Variants in MECOM observed in about 807,000 individuals in gnomAD.
MECOM encodes MDS1 and EVI1 complex locus.
Under a neutral mutation model 116.3 loss-of-function variants are expected in MECOM, and 13 were observed. The observed-to-expected ratio is 0.11, with a 90% CI of 0.07 to 0.18. The LOEUF (loss-of-function observed/expected upper bound fraction) is 0.18. Ranked by LOEUF, MECOM falls within the 10% of genes least tolerant of loss-of-function variation. The probability of loss-of-function intolerance (pLI) is 1.00; values close to 1 mark genes in which losing one functional copy is unlikely to be tolerated. For synonymous variants in MECOM, 528 were observed against 535.2 expected (o/e 0.99, Z 0.19); for missense variants, 1,299 against 1,509.0 (o/e 0.86, Z 2.31).
At chr3:169,099,809 G>A (rs1722928186) in intron 12 of MECOM, among the ~76,000 whole-genome samples, 2 of 152,102 alleles carry the variant, frequency 1.3e-5, no homozygotes, top group East Asian at 1.9e-4. Context: ...GCAAGGCATT[G>A]AACATTAAAT....
chr3:169,092,542 C>G (rs1720080642), intron 14 of MECOM, among the ~76,000 whole-genome samples: 1 of 151,798 alleles, frequency 6.6e-6, no homozygotes, highest in Non-Finnish European at 1.5e-5. Flanking sequence ...ATCAGTGATT[C>G]AACTGAATCC....
chr3:169,337,078 C>A (rs1305857997), intron 2 of MECOM, among the ~76,000 whole-genome samples: 11 of 152,008 alleles, frequency 7.2e-5, no homozygotes. Flanking sequence ...ATGATTGCGT[C>A]CATGAATAAG....
chr3:169,184,546 C>A (rs1414403176), intron 2 of MECOM, among the ~76,000 whole-genome samples: 1 of 152,078 alleles, frequency 6.6e-6, no homozygotes, highest in Admixed American at 6.5e-5. Flanking sequence ...AAATCTTAAG[C>A]AAACCCAGAA....
chr3:169,625,625 C>T (rs1771273673), intron 1 of MECOM, among the ~76,000 whole-genome samples: 1 of 152,212 alleles, frequency 6.6e-6, no homozygotes, highest in African/African-American at 2.4e-5. Context: ...TATCATCTTT[C>T]ATCTGAAAGA....
intron 1 of MECOM, among the ~76,000 whole-genome samples, chr3:169,535,432 A>G (rs1452277708): frequency 6.6e-6 from 1 of 152,202 alleles, no homozygotes; most frequent in Non-Finnish European, 1.5e-5. Flanking sequence ...GAAAGAAAAT[A>G]TAGGTAGAGA....
At chr3:169,494,901 G>T (rs1433174086) in intron 1 of MECOM, among the ~76,000 whole-genome samples, 1 of 152,150 alleles carries the variant, frequency 6.6e-6, no homozygotes, top group Non-Finnish European at 1.5e-5. Context: ...GATGATCCAA[G>T]GAATGGAAGA....
chr3:169,107,916 G>C lies in MECOM; in HGVS notation c.2604+10C>G. ...ATCACTTTAGTCAAAAATATAAGTAGGAAACTTACCCAAGTTCTCTGATCA... is the reference window on the plus strand; with the variant it reads ...ATCACTTTAGTCAAAAATATAAGTACGAAACTTACCCAAGTTCTCTGATCA... On this transcript the variant is annotated intron_variant, in intron 10 of 16. Transcript: ENST00000651503. The C allele has an allele frequency of 5.0e-6, 8 of 1,610,476 alleles. No individual in the cohort carries two copies. The highest frequency in any genetic ancestry group is 6.8e-6 in the Non-Finnish European group (8 of 1,178,160).
At chr3:169,600,843 A>G (rs1277136806) in intron 1 of MECOM, among the ~76,000 whole-genome samples, 1 of 152,240 alleles carries the variant, frequency 6.6e-6, no homozygotes, top group Non-Finnish European at 1.5e-5. Flanking sequence ...GAATAAAGTA[A>G]AAAGACTAAT....
At chr3:169,108,225 T>C (rs1726095456) in intron 9 of MECOM, among the ~76,000 whole-genome samples, 1 of 152,210 alleles carries the variant, frequency 6.6e-6, no homozygotes, top group East Asian at 1.9e-4. Flanking sequence ...GCAAAGCAGA[T>C]GCTTCCTTTT....
intron 2 of MECOM, among the ~76,000 whole-genome samples, chr3:169,239,589 AT>A (rs1754528083): frequency 6.6e-6 from 1 of 152,064 alleles, no homozygotes; most frequent in Admixed American, 6.5e-5. Context: ...CCAGATGAAA[AT>A]AATATGAGAA....
chr3:169,594,154 C>CAAAAAAAAAAAAAAAAAAAAA (rs34331048), intron 1 of MECOM, among the ~76,000 whole-genome samples: 3 of 45,706 alleles, frequency 6.6e-5, no homozygotes, highest in South Asian at 6.6e-4. Flanking sequence ...ACCACCACCA[C>CAAAAAAAAAAAAAAAAAAAAA]AAAAAAAAAA....
At chr3:169,541,751 A>G (rs771049725) in intron 1 of MECOM, among the ~76,000 whole-genome samples, 2 of 150,450 alleles carry the variant, frequency 1.3e-5, no homozygotes, top group Non-Finnish European at 2.9e-5. Context: ...CCTGGCCAGC[A>G]CACCTCTTAT....
chr3:169,083,616 A>G lies in MECOM; in HGVS notation c.*1293T>C. 1 of 195,516 alleles carries G rather than the reference A, an allele frequency of 5.1e-6. No homozygotes were observed. The allele number at this position is 195,516 out of a possible 1,614,324, so 12.1% of individuals were successfully genotyped here. A position where few individuals can be genotyped will look rare whatever the true frequency, so the allele number is the denominator to read the frequency against. On this transcript the variant is annotated 3_prime_UTR_variant, in exon 17 of 17. Transcript: ENST00000651503. ...TTGAAGAAAGTACCTCAACTTGCTG[A>G]TTATTTCAAAATGAGATTACAAACA...
chr3:169,312,258 T>C (rs1718923703), intron 2 of MECOM, among the ~76,000 whole-genome samples: 1 of 152,156 alleles, frequency 6.6e-6, no homozygotes, highest in Non-Finnish European at 1.5e-5. Flanking sequence ...GGTAGTGCGA[T>C]TGACAAGAAG....
intron 2 of MECOM, among the ~76,000 whole-genome samples, chr3:169,349,089 C>T (rs1725858877): frequency 6.6e-6 from 1 of 151,354 alleles, no homozygotes; most frequent in African/African-American, 2.4e-5. Context: ...CCCCCCTCCC[C>T]CAGTGTTTTT....
At chr3:169,189,771 C>T (rs940670389) in intron 2 of MECOM, among the ~76,000 whole-genome samples, 2 of 152,092 alleles carry the variant, frequency 1.3e-5, no homozygotes, top group Non-Finnish European at 2.9e-5. Context: ...TAAATTCTCT[C>T]TCTCTCTTTC....
chr3:169,374,937 T>C (rs192585177), intron 2 of MECOM, among the ~76,000 whole-genome samples: 5 of 152,002 alleles, frequency 3.3e-5, no homozygotes, highest in Non-Finnish European at 7.4e-5. Flanking sequence ...CTTGGAAGAC[T>C]GAGGCTGGAA....
intron 1 of MECOM, among the ~76,000 whole-genome samples, chr3:169,525,274 A>G (rs1193260380): frequency 6.6e-6 from 1 of 152,348 alleles, no homozygotes; most frequent in East Asian, 1.9e-4. Context: ...GGGTAATGAC[A>G]TTGGAAATAA....
chr3:169,216,481 A>G (rs938939570), intron 2 of MECOM, among the ~76,000 whole-genome samples: 3 of 152,080 alleles, frequency 2.0e-5, no homozygotes, highest in Non-Finnish European at 4.4e-5. Context: ...CCAGGTTGCA[A>G]GGTCTTCTGG....
Sources: gnomAD v4.1 joint callset for allele counts (sites outside exome capture counted in the v4.1 genomes callset) on GRCh38, gnomAD v4.1.1 for gene constraint, MANE v1.5 for transcripts, NCBI Gene and HGNC (gene_info 2026-07-23, HGNC 2026-07-21) for gene names.